TTC28: variants seen among roughly 807,000 people sequenced by gnomAD.
The protein encoded by TTC28 is tetratricopeptide repeat protein 28.
TTC28 carries 61 observed loss-of-function variants against 198.0 expected under a neutral mutation model. The observed-to-expected ratio is 0.31, with a 90% CI of 0.25 to 0.38. The LOEUF (loss-of-function observed/expected upper bound fraction) is 0.38, where lower values mean the gene tolerates loss of function less well. Ranked by LOEUF, TTC28 falls within the 10% of genes least tolerant of loss-of-function variation. TTC28 has a pLI of 1.00. For synonymous variants in TTC28, 1,171 were observed against 1,297.8 expected (o/e 0.90, Z 2.10); for missense variants, 2,678 against 3,164.0 (o/e 0.85, Z 3.69).
chr22:28,590,132 T>C (rs1317149061), intron 2 of TTC28, among the ~76,000 whole-genome samples: 5 of 149,446 alleles, frequency 3.3e-5, no homozygotes, highest in Non-Finnish European at 7.5e-5. Flanking sequence ...TTCTAAATTT[T>C]TTTTTTTTTT....
chr22:28,422,879 T>C (rs1266603488), intron 2 of TTC28, among the ~76,000 whole-genome samples: 1 of 152,234 alleles, frequency 6.6e-6, no homozygotes, highest in Admixed American at 6.5e-5. Flanking sequence ...AAAATATGTA[T>C]TGTTAACATT....
At chr22:28,255,138 T>C (rs574923051) in intron 5 of TTC28, among the ~76,000 whole-genome samples, 1 of 152,114 alleles carries the variant, frequency 6.6e-6, no homozygotes, top group South Asian at 2.1e-4. Flanking sequence ...TCTTCCACAA[T>C]CATGCCCAGT....
At position 28,629,755 on chromosome 22, in the gene TTC28, C is replaced by T. The variant is rs182730993; in HGVS notation, c.178G>A (p.Glu60Lys). The change falls in exon 2 of 23, where the codon GAG becomes AAG. Residue 60 changes from glutamate (E) to lysine (K), a missense_variant. By Grantham distance (56) the Glu-to-Lys change is moderately conservative. Coordinates refer to ENST00000397906, the MANE Select transcript of TTC28 (RefSeq NM_001145418.2). ...GPVLSKAEFV[E>K]KVRQSNQACH... ...GCCTGATTACTCTGACGAACTTTCT[C>T]AACAAATTCAGCTTTGCTCAGTACC... is the stretch of plus-strand genomic sequence containing the variant. 2,193 of 1,551,682 alleles carry T rather than the reference C, an allele frequency of 1.4e-3. 11 individuals are homozygous for T. The highest frequency in any genetic ancestry group is 1.0e-3 in the Non-Finnish European group (1,147 of 1,146,978).
At position 28,294,544 on chromosome 22, in the gene TTC28, G is replaced by A. The variant is rs908954773; in HGVS notation, c.933+1654C>T. On this transcript the variant is annotated intron_variant, in intron 5 of 22. Transcript: ENST00000397906. ...ACACCTTGAAGGTTAGGAAAAAAGAGTATAAATGCAGCTCTTGCCTTTTTT... is the reference window on the plus strand; with the variant it reads ...ACACCTTGAAGGTTAGGAAAAAAGAATATAAATGCAGCTCTTGCCTTTTTT... 1.2e-4 allele frequency among the ~76,000 whole-genome samples: 18 copies of A among 151,252 alleles called. 1 individual carries two copies. Among genetic ancestry groups the A allele is most frequent in the Admixed American group, 4.0e-4 (6 of 15,172 alleles).
At chr22:28,501,149 G>T (rs2048532655) in intron 2 of TTC28, among the ~76,000 whole-genome samples, 1 of 152,092 alleles carries the variant, frequency 6.6e-6, no homozygotes, top group Non-Finnish European at 1.5e-5. Context: ...TACAAAAAAA[G>T]GAGCAAAATG....
chr22:28,014,347 C>T lies in TTC28; in HGVS notation c.4119G>A (p.Pro1373=), dbSNP rs371537156. The part of the protein sequence containing the change: ...MTSLFSNTVS[P]TQDGTSSLPR... ...GAAGAGAGGAGGTCCCGTCCTGGGT[C>T]GGTGACACAGTGTTACTGAACAGGC... Residue 1373 remains proline, a synonymous_variant, in exon 14 of 23, where the codon CCG becomes CCA. Coordinates refer to ENST00000397906, the MANE Select transcript of TTC28 (RefSeq NM_001145418.2). 8.7e-5 allele frequency: 135 copies of T among 1,551,424 alleles called. No individual in the cohort carries two copies. Among genetic ancestry groups the T allele is most frequent in the African/African-American group, 1.4e-4 (10 of 72,996 alleles).
intron 2 of TTC28, among the ~76,000 whole-genome samples, chr22:28,373,089 C>T (rs969905603): frequency 6.6e-6 from 1 of 152,002 alleles, no homozygotes; most frequent in Non-Finnish European, 1.5e-5. Flanking sequence ...TGACCTCACC[C>T]CTAAAGATAA....
chr22:28,048,003 A>C (rs1939935550), intron 12 of TTC28, among the ~76,000 whole-genome samples: 1 of 152,076 alleles, frequency 6.6e-6, no homozygotes, highest in Non-Finnish European at 1.5e-5. Context: ...TCCACTCCTC[A>C]AAATGAGGCC....
chr22:28,237,328 G>A (rs1222793770), intron 5 of TTC28, among the ~76,000 whole-genome samples: 1 of 152,060 alleles, frequency 6.6e-6, no homozygotes. Flanking sequence ...AATAGTACTG[G>A]TTACATTCCA....
chr22:28,070,034 T>C (rs993729052), intron 12 of TTC28, among the ~76,000 whole-genome samples: 1 of 151,944 alleles, frequency 6.6e-6, no homozygotes, highest in Non-Finnish European at 1.5e-5. Context: ...GTGTCCTCCT[T>C]TGGAAATAAA....
At chr22:28,084,760 T>C (rs1601600889) in intron 12 of TTC28, among the ~76,000 whole-genome samples, 1 of 151,870 alleles carries the variant, frequency 6.6e-6, no homozygotes, top group East Asian at 1.9e-4. Flanking sequence ...TTAAAAACTT[T>C]GAAAAAAAAT....
At chr22:28,145,180 C>T (rs1478058491) in intron 6 of TTC28, among the ~76,000 whole-genome samples, 2 of 152,208 alleles carry the variant, frequency 1.3e-5, no homozygotes, top group Admixed American at 6.5e-5. Flanking sequence ...CATATTAATA[C>T]GGCTCTAGTC....
At chr22:28,647,568 G>A (rs574501622) in intron 1 of TTC28, among the ~76,000 whole-genome samples, 8 of 152,278 alleles carry the variant, frequency 5.3e-5, no homozygotes, top group Admixed American at 3.3e-4. Context: ...GGCCAGGCGT[G>A]GTGGCTCACG....
At chr22:28,317,409 TAACA>T (rs1337053476) in intron 2 of TTC28, among the ~76,000 whole-genome samples, 3 of 152,234 alleles carry the variant, frequency 2.0e-5, no homozygotes, top group Non-Finnish European at 2.9e-5. Context: ...TTGTTTTGTT[TAACA>T]AACAATTTAC....
intron 2 of TTC28, among the ~76,000 whole-genome samples, chr22:28,610,150 C>G (rs2050796753): frequency 6.6e-6 from 1 of 152,118 alleles, no homozygotes; most frequent in Non-Finnish European, 1.5e-5. Flanking sequence ...AAGGTGTGGC[C>G]ATGGGTGCAG....
At chr22:28,087,554 C>G (rs535000927) in intron 12 of TTC28, among the ~76,000 whole-genome samples, 111 of 152,256 alleles carry the variant, frequency 7.3e-4, no homozygotes, top group African/African-American at 2.4e-3. Context: ...CAGCCAATAT[C>G]ATACTGAATG....
chr22:28,035,030 C>G (rs1939279369), intron 12 of TTC28, among the ~76,000 whole-genome samples: 1 of 152,180 alleles, frequency 6.6e-6, no homozygotes, highest in Non-Finnish European at 1.5e-5. Context: ...CAAGAGGCTC[C>G]AGATAGGATT....
rs1195618226 is a variant in TTC28, at chr22:28,296,237, C to A, written c.894G>T (p.Arg298Ser). 3.2e-6 allele frequency: 5 copies of A among 1,550,470 alleles called. No individual in the cohort carries two copies. Among genetic ancestry groups the A allele is most frequent in the Non-Finnish European group, 4.4e-6 (5 of 1,146,396 alleles). ...GTTTCATGGCGAGTACCAACTGATGCCTGTGGTTAGTGAGAGCCTCCCGGT... is the reference window on the plus strand; with the variant it reads ...GTTTCATGGCGAGTACCAACTGATGACTGTGGTTAGTGAGAGCCTCCCGGT... ...GNYREALTNH[R>S]HQLVLAMKLK... Residue 298 changes from arginine (R) to serine (S), a missense_variant, in exon 5 of 23, where the codon AGG becomes AGT. Arg to Ser is a moderately radical substitution (Grantham distance 110, BLOSUM62 -1). Around this residue, in one of 8 missense-constraint regions of TTC28, gnomAD observed 775 missense variants for 845.9 expected, o/e 0.92. Transcript: ENST00000397906.
At chr22:28,030,429 C>T (rs755430164) in intron 12 of TTC28, 63 bp from the exon 13 acceptor site, 2 of 1,536,602 alleles carry the variant, frequency 1.3e-6, no homozygotes, top group Non-Finnish European at 1.8e-6. Flanking sequence ...TGGAAGTCAG[C>T]TCTGAGGTCC....
Sources: gnomAD v4.1 joint callset for allele counts (sites outside exome capture counted in the v4.1 genomes callset) on GRCh38, gnomAD v4.1.1 for gene constraint, gnomAD v4.1.1 regional missense constraint, MANE v1.5 for transcripts, NCBI Gene and HGNC (gene_info 2026-07-23, HGNC 2026-07-21) for gene names.